DNAAF9: variants seen among roughly 807,000 people sequenced by gnomAD.
DNAAF9 encodes the protein shulin.
DNAAF9 carries 90 observed loss-of-function variants against 167.0 expected under a neutral mutation model. That is an observed-to-expected ratio of 0.54 (90% confidence interval 0.45 to 0.64). The LOEUF (loss-of-function observed/expected upper bound fraction) is 0.64. Among genes scored for constraint, DNAAF9 ranks in the 30% least tolerant of loss-of-function variants. The pLI is 0.00. For missense variants in DNAAF9, 1,315 were observed against 1,442.2 expected, an observed-to-expected ratio of 0.91 and a Z score of 1.43; for synonymous variants, 491 against 508.8, an observed-to-expected ratio of 0.96 and a Z score of 0.47.
intron 1 of DNAAF9, among the ~76,000 whole-genome samples, chr20:3,387,213 G>A (rs1423678862): frequency 1.3e-5 from 2 of 152,104 alleles, no homozygotes; most frequent in Non-Finnish European, 2.9e-5. Flanking sequence ...AAACAATCTT[G>A]ATAAAGATTA....
At chr20:3,370,560 C>T (rs2083493305) in intron 6 of DNAAF9, among the ~76,000 whole-genome samples, 1 of 152,184 alleles carries the variant, frequency 6.6e-6, no homozygotes, top group African/African-American at 2.4e-5. Flanking sequence ...CAGGTGCCTG[C>T]CACCATGCCC....
Position 3,304,560 on chromosome 20 carries a change from G to A in DNAAF9, c.1679-17C>T, listed in dbSNP as rs925324511. The A allele has an allele frequency of 2.5e-6, 3 of 1,205,218 alleles. No individual in the cohort carries two copies. Among genetic ancestry groups the A allele is most frequent in the Non-Finnish European group, 3.7e-6 (3 of 807,944 alleles). 74.7% of individuals were successfully genotyped at this position (1,205,218 alleles called of 1,614,324 possible). A position where few individuals can be genotyped will look rare whatever the true frequency, so the allele number is the denominator to read the frequency against. On this transcript the variant is annotated splice_polypyrimidine_tract_variant and intron_variant, in intron 20 of 36. Transcript: ENST00000252032. ...GAACATTCCCTGGAAGGAAAAGAGA[G>A]TTGGTCAGAGCTGGAGGGCTGGGTG...
intron 8 of DNAAF9, among the ~76,000 whole-genome samples, chr20:3,346,565 T>C (rs1271959682): frequency 6.6e-6 from 1 of 151,926 alleles, no homozygotes; most frequent in African/African-American, 2.4e-5. Context: ...CAGGATATAC[T>C]GTTAAGTGGA....
At chr20:3,392,398 T>C (rs943562626) in intron 1 of DNAAF9, among the ~76,000 whole-genome samples, 2 of 152,196 alleles carry the variant, frequency 1.3e-5, no homozygotes, top group Admixed American at 6.5e-5. Flanking sequence ...AATTTAGACA[T>C]GATAGATGAC....
At chr20:3,359,630 C>A in intron 6 of DNAAF9, 37 bp from the exon 7 acceptor site, 1 of 1,381,728 alleles carries the variant, frequency 7.2e-7, no homozygotes, top group South Asian at 1.2e-5. Flanking sequence ...ATAATTAAGT[C>A]AATATCATTA....
intron 10 of DNAAF9, among the ~76,000 whole-genome samples, chr20:3,336,882 C>CTTTT (rs34461289): frequency 7.5e-6 from 1 of 133,928 alleles, no homozygotes; most frequent in Non-Finnish European, 1.6e-5. Context: ...TTTCCTTTTT[C>CTTTT]TTTTTTTTTT....
chr20:3,355,824 T>C (rs971029852), intron 7 of DNAAF9, among the ~76,000 whole-genome samples: 2 of 152,198 alleles, frequency 1.3e-5, no homozygotes, highest in Non-Finnish European at 2.9e-5. Context: ...ATATTCATAA[T>C]ACTGGTCTGT....
At chr20:3,365,414 A>G (rs1300096482) in intron 6 of DNAAF9, among the ~76,000 whole-genome samples, 1 of 146,112 alleles carries the variant, frequency 6.8e-6, no homozygotes, top group Admixed American at 6.7e-5. Flanking sequence ...TATTTTTAGG[A>G]GGAGTCTCGC....
chr20:3,354,904 ATGGTGAT>A (rs2083263521), intron 7 of DNAAF9, among the ~76,000 whole-genome samples: 1 of 152,184 alleles, frequency 6.6e-6, no homozygotes. Context: ...TCTACAGCCC[ATGGTGAT>A]CACCACTGTT....
chr20:3,344,590 T>TACAC (rs4053351), intron 8 of DNAAF9, among the ~76,000 whole-genome samples: 1,811 of 144,526 alleles, frequency 0.013, 25 homozygotes, highest in Admixed American at 0.023. Context: ...TACACACACA[T>TACAC]ACACACACAC....
At chr20:3,326,387 A>G in intron 12 of DNAAF9, 103 bp from the exon 13 acceptor site, 1 of 816,260 alleles carries the variant, frequency 1.2e-6, no homozygotes, top group Non-Finnish European at 2.0e-6. Context: ...ATTTTTAAAC[A>G]GAATGAAAAA....
At chr20:3,366,795 T>C (rs987560795) in intron 6 of DNAAF9, among the ~76,000 whole-genome samples, 5 of 151,822 alleles carry the variant, frequency 3.3e-5, no homozygotes, top group African/African-American at 1.2e-4. Flanking sequence ...CATGGTGGTG[T>C]ACCCCTGTAG....
chr20:3,371,854 A>C (rs2083515162), intron 6 of DNAAF9, among the ~76,000 whole-genome samples: 1 of 152,160 alleles, frequency 6.6e-6, no homozygotes, highest in Non-Finnish European at 1.5e-5. Flanking sequence ...GATTGATGTA[A>C]ATTTACATTA....
At chr20:3,367,648 T>G (rs1416632098) in intron 6 of DNAAF9, among the ~76,000 whole-genome samples, 1 of 151,966 alleles carries the variant, frequency 6.6e-6, no homozygotes, top group Non-Finnish European at 1.5e-5. Context: ...GAACAGCCAG[T>G]CAGTGAAGCA....
chr20:3,395,094 T>C (rs1312485158), intron 1 of DNAAF9, among the ~76,000 whole-genome samples: 4 of 146,582 alleles, frequency 2.7e-5, no homozygotes, highest in Admixed American at 6.8e-5. Context: ...CAGCCTCCCA[T>C]GTAGCTGGGA....
At chr20:3,268,920 T>TC (rs1424991930) in intron 30 of DNAAF9, among the ~76,000 whole-genome samples, 17 of 126,936 alleles carry the variant, frequency 1.3e-4, no homozygotes, top group East Asian at 6.9e-4. Flanking sequence ...TTTTTTTTTT[T>TC]TGAGACAGAG....
intron 7 of DNAAF9, among the ~76,000 whole-genome samples, chr20:3,353,046 A>C (rs2070355409): frequency 6.7e-6 from 1 of 149,442 alleles, no homozygotes; most frequent in African/African-American, 2.4e-5. Context: ...CTCAATATGT[A>C]AATATATGTA....
intron 3 of DNAAF9, among the ~76,000 whole-genome samples, chr20:3,378,768 T>G (rs1023407085): frequency 6.6e-6 from 1 of 151,978 alleles, no homozygotes; most frequent in East Asian, 1.9e-4. Flanking sequence ...GACAAAAACA[T>G]CTTATAAGCC....
chr20:3,303,208 C>T (rs925987714), intron 21 of DNAAF9, among the ~76,000 whole-genome samples: 1 of 150,754 alleles, frequency 6.6e-6, no homozygotes, highest in Admixed American at 6.6e-5. Context: ...CACCACTGCA[C>T]TCCAGCCTGG....
Sources: allele counts gnomAD v4.1 joint callset (sites outside exome capture counted in the v4.1 genomes callset), GRCh38; gene constraint gnomAD v4.1.1; transcripts MANE v1.5; gene names NCBI Gene and HGNC (gene_info 2026-07-23, HGNC 2026-07-21).